The following ARSH variants were observed in gnomAD, a reference collection of about 807,000 sequenced individuals.
ARSH encodes the protein arylsulfatase family member H.
ARSH carries 32 observed loss-of-function variants against 28.7 expected under a neutral mutation model. That is an observed-to-expected ratio of 1.11 (90% CI 0.84 to 1.50). The LOEUF is 1.50. Ranked by LOEUF, ARSH falls within the 40% of genes most tolerant of loss-of-function variation. ARSH has a pLI of 0.00. For missense variants in ARSH, 440 were observed against 452.4 expected (o/e 0.97, Z 0.25); for synonymous variants, 176 against 177.3 (o/e 0.99, Z 0.06).
In ARSH at chrX:3,013,073, C is replaced by T; in HGVS notation, c.241C>T (p.Arg81Cys). 8.3e-7 allele frequency: 1 copy of T among 1,210,598 alleles called. No homozygotes were observed. ...GATGGTGTCTGCCTACAACCTGAACCGTGCCTTCACGTGGCTTGGTGGGTC... is the reference window on the plus strand; with the variant it reads ...GATGGTGTCTGCCTACAACCTGAACTGTGCCTTCACGTGGCTTGGTGGGTC... ...SGMVSAYNLN[R>C]AFTWLGGSGG... The change falls in exon 3 of 9, where the codon CGT (arginine) becomes TGT (cysteine). Residue 81 changes from arginine to cysteine, a missense_variant. Physicochemically the swap from Arg to Cys is radical, Grantham distance 180 (BLOSUM62 -3). Coordinates refer to ENST00000381130, the MANE Select transcript of ARSH (RefSeq NM_001011719.2).
intron 7 of ARSH, among the ~76,000 whole-genome samples, 200 bp from the exon 8 acceptor site, chrX:3,029,047 C>T (rs2089906435): frequency 3.8e-5 from 4 of 104,724 alleles, no homozygotes; most frequent in Admixed American, 2.1e-4. Flanking sequence ...CATTGCACTC[C>T]AGCCTGGGTG....
Position 3,015,071 on chromosome X carries a change from T to C in ARSH, c.442T>C (p.Leu148=). Reference sequence around the variant, plus strand: ...CTTTTACGGGGTGCCTTTTGGACTTTTAAGCGACTGCCAGGCATCCAAGAC... The same window carrying C: ...CTTTTACGGGGTGCCTTTTGGACTTCTAAGCGACTGCCAGGCATCCAAGAC... ...HYFYGVPFGL[L]SDCQASKTPE... is the part of the protein sequence containing the mutation. Residue 148 remains leucine, a synonymous_variant, in exon 4 of 9, where the codon TTA becomes CTA. Transcript: ENST00000381130. 8.3e-7 allele frequency: 1 copy of C among 1,210,853 alleles called. No individual in the cohort carries two copies. The highest frequency in any genetic ancestry group is 1.1e-6 in the Non-Finnish European group (1 of 895,133).
Position 3,015,271 on chromosome X carries a change from T to C in ARSH, c.642T>C (p.Ser214=), listed in dbSNP as rs767408557. 2 of 1,211,555 alleles carry C rather than the reference T, an allele frequency of 1.7e-6. No individual in the cohort carries two copies. The highest frequency in any genetic ancestry group is 3.5e-5 in the South Asian group (2 of 56,910). ...AFLFFTSWYS[S]YGFTRRWNCI... is the part of the protein sequence containing the mutation. ...TGTTTTTCACTTCCTGGTACTCTAG[T>C]TATGGATTTACTCGACGTTGGAATT... Residue 214 remains serine (S), a synonymous_variant, in exon 4 of 9, where the codon AGT becomes AGC. Transcript: ENST00000381130.
chrX:3,015,330 A>G lies in ARSH; in HGVS notation c.701A>G (p.Gln234Arg). ...ATGAGGAACCATGAAATTATCCAGC[A>G]GCCAATGAAAGAGGAGAAAGTAGCT... is the stretch of plus-strand genomic sequence containing the variant. ...ILMRNHEIIQQPMKEEKVASL... is the reference protein window; with the variant it reads ...ILMRNHEIIQRPMKEEKVASL... The change falls in exon 4 of 9, where the codon CAG (glutamine) becomes CGG (arginine). Residue 234 changes from glutamine to arginine, a missense_variant. Physicochemically the swap from Gln to Arg is conservative, Grantham distance 43 (BLOSUM62 1). Transcript: ENST00000381130. 1 of 1,211,941 alleles carries G rather than the reference A, an allele frequency of 8.3e-7. No homozygotes were observed. The highest frequency in any genetic ancestry group is 1.7e-5 in the African/African-American group (1 of 57,866).
At position 3,006,660 on chromosome X, in the gene ARSH, C is replaced by T. The variant is rs757644291; in HGVS notation, c.48C>T (p.Asp16=). The T allele has an allele frequency of 8.3e-7, 1 of 1,210,859 alleles. No individual in the cohort carries two copies. Among genetic ancestry groups the T allele is most frequent in the Admixed American group, 2.2e-5 (1 of 45,877 alleles). ...RPNIVLLMAD[D]LGVGDLCCYG... ...ACATTGTCCTGCTGATGGCAGATGA[C>T]CTTGGAGTGGGGGATTTGTGCTGCT... The change falls in exon 1 of 9, where the codon GAC becomes GAT. Residue 16 remains aspartate (D), a synonymous_variant. Coordinates refer to ENST00000381130, the MANE Select transcript of ARSH (RefSeq NM_001011719.2).
chrX:3,013,740 C>T (rs1262010708), intron 3 of ARSH, among the ~76,000 whole-genome samples: 1 of 110,491 alleles, frequency 9.1e-6, no homozygotes, highest in African/African-American at 3.3e-5. Flanking sequence ...ATTGTACGGT[C>T]CACTATTTTT....
intron 4 of ARSH, among the ~76,000 whole-genome samples, chrX:3,015,743 T>A (rs1603463386): frequency 9.1e-6 from 1 of 110,170 alleles, no homozygotes; most frequent in African/African-American, 3.3e-5. Flanking sequence ...CAAGACTACC[T>A]ATTGGGTGCT....
intron 1 of ARSH, among the ~76,000 whole-genome samples, chrX:3,009,618 C>T (rs1299463710): frequency 3.6e-5 from 4 of 110,880 alleles, no homozygotes; most frequent in Admixed American, 9.7e-5. Flanking sequence ...AACTGCACCA[C>T]TACACTCCAC....
intron 5 of ARSH, among the ~76,000 whole-genome samples, chrX:3,023,611 T>G (rs2089890423): frequency 9.3e-6 from 1 of 107,103 alleles, no homozygotes; most frequent in South Asian, 4.0e-4. Flanking sequence ...CATAATTGAT[T>G]ATATTTTAAT....
intron 5 of ARSH, among the ~76,000 whole-genome samples, chrX:3,020,576 C>G (rs1474030985): frequency 5.9e-5 from 4 of 68,066 alleles, no homozygotes; most frequent in African/African-American, 1.2e-4. Context: ...GCGACAGAGC[C>G]AGACTCAGTC....
intron 5 of ARSH, among the ~76,000 whole-genome samples, chrX:3,019,480 G>A (rs1569124104): frequency 9.0e-6 from 1 of 111,033 alleles, no homozygotes; most frequent in Non-Finnish European, 1.9e-5. Flanking sequence ...AAGAGTTACT[G>A]TATGCATTCC....
Position 3,024,028 on chromosome X carries a change from C to G in ARSH, c.909C>G (p.Ile303Met), listed in dbSNP as rs760998757. The stretch of plus-strand genomic sequence containing the variant: ...GTCTCTGACCCTCTCCAGGTAAAAT[C>G]CTGGATGCCCTGGACCAGGAGCGCC... The part of the protein sequence containing the change: ...VEEMDWMVGK[I>M]LDALDQERLA... Residue 303 changes from isoleucine (I) to methionine (M), a missense_variant, in exon 6 of 9, where the codon ATC becomes ATG. Coordinates refer to ENST00000381130, the MANE Select transcript of ARSH (RefSeq NM_001011719.2). 1.7e-6 allele frequency: 2 copies of G among 1,209,519 alleles called. No individual in the cohort carries two copies. Among genetic ancestry groups the G allele is most frequent in the Non-Finnish European group, 2.2e-6 (2 of 894,781 alleles).
intron 2 of ARSH, among the ~76,000 whole-genome samples, chrX:3,012,450 A>G (rs1207122082): frequency 1.1e-5 from 1 of 93,855 alleles, no homozygotes; most frequent in Non-Finnish European, 2.1e-5. Flanking sequence ...CGGAGGCACG[A>G]GAATTGCTTG....
chrX:3,028,805 C>T (rs768357882), intron 7 of ARSH, among the ~76,000 whole-genome samples: 7 of 110,973 alleles, frequency 6.3e-5, no homozygotes, highest in Non-Finnish European at 1.3e-4. Flanking sequence ...TTCCGCCAGG[C>T]GCCGTGGCTC....
chrX:3,008,449 TTTTCTTTCTTTC>T (rs554017732), intron 1 of ARSH, among the ~76,000 whole-genome samples: 10,235 of 75,718 alleles, frequency 0.14, 679 homozygotes, highest in East Asian at 0.16. Context: ...CTTCTTCTTA[TTTTCTTTCTTTC>T]TTTCTTTCTT....
intron 3 of ARSH, among the ~76,000 whole-genome samples, chrX:3,014,109 A>T (rs2089859056): frequency 9.0e-6 from 1 of 110,930 alleles, no homozygotes; most frequent in South Asian, 3.9e-4. Context: ...CAAAAATAAA[A>T]TGTTAAAATT....
rs1165323161 is a variant in ARSH at position 3,033,079 on chromosome X, C to T, written c.1383C>T (p.Ala461=). The T allele has an allele frequency of 3.3e-6, 4 of 1,209,141 alleles. No homozygotes were observed. The highest frequency in any genetic ancestry group is 2.2e-6 in the Non-Finnish European group (2 of 894,954). ...TPKFYPEGTG[A]CYGSGICSCS... ...AATTCTACCCTGAAGGAACAGGTGC[C>T]TGCTATGGGAGTGGAATATGTTCAT... is the stretch of plus-strand genomic sequence containing the variant. Residue 461 remains alanine (A), a synonymous_variant, in exon 9 of 9, where the codon GCC becomes GCT. Transcript: ENST00000381130.
intron 2 of ARSH, among the ~76,000 whole-genome samples, chrX:3,011,449 A>G (rs2089846470): frequency 9.0e-6 from 1 of 110,763 alleles, no homozygotes; most frequent in Admixed American, 9.7e-5. Flanking sequence ...GGATTTCACC[A>G]TGTTGGCCAG....
intron 3 of ARSH, among the ~76,000 whole-genome samples, chrX:3,014,634 T>C (rs1303314268): frequency 9.0e-6 from 1 of 111,443 alleles, no homozygotes; most frequent in African/African-American, 3.3e-5. Context: ...TCTGCCCTCC[T>C]AGCAAGCTCC....
Sources: gnomAD v4.1 joint callset for allele counts (sites outside exome capture counted in the v4.1 genomes callset) on GRCh38, gnomAD v4.1.1 for gene constraint, MANE v1.5 for transcripts, NCBI Gene and HGNC (gene_info 2026-07-23, HGNC 2026-07-21) for gene names.